Variants in NCOA2 observed in about 807,000 individuals in gnomAD.
NCOA2 encodes the protein class E basic helix-loop-helix protein 75.
A neutral mutation model predicts 145.1 loss-of-function variants in NCOA2; 21 were observed. That is an observed-to-expected ratio of 0.14 (90% CI 0.10 to 0.21). The LOEUF (loss-of-function observed/expected upper bound fraction) is 0.21, where lower values mean the gene tolerates loss of function less well. Ranked by LOEUF, NCOA2 falls within the 10% of genes least tolerant of loss-of-function variation. NCOA2 has a pLI of 1.00. For missense variants in NCOA2, 1,472 were observed against 1,837.6 expected (o/e 0.80, Z 3.64); for synonymous variants, 619 against 637.5 (o/e 0.97, Z 0.44).
intron 11 of NCOA2, 39 bp from the exon 12 acceptor site, chr8:70,148,522 T>TA (rs776602069): frequency 1.9e-6 from 3 of 1,590,368 alleles, no homozygotes; most frequent in South Asian, 2.2e-5. Context: ...CAGTCTACTC[T>TA]AAGAGTAGAC....
intron 1 of NCOA2, among the ~76,000 whole-genome samples, chr8:70,395,253 T>G (rs866270817): frequency 6.6e-6 from 1 of 152,188 alleles, no homozygotes; most frequent in African/African-American, 2.4e-5. Context: ...TTATTTATCA[T>G]TCCACCCTGA....
chr8:70,139,692 G>A (rs946162631), intron 14 of NCOA2, among the ~76,000 whole-genome samples: 1 of 110,848 alleles, frequency 9.0e-6, no homozygotes, highest in Non-Finnish European at 1.7e-5. Context: ...TCACTCTGTT[G>A]CCCAGGCTGG....
the NCOA2 span, among the ~76,000 whole-genome samples, chr8:70,456,112 A>G: frequency 6.6e-6 from 1 of 151,542 alleles, no homozygotes; most frequent in Non-Finnish European, 1.5e-5. Context: ...CTGAAAACAG[A>G]CCCTTTGTTC....
chr8:70,268,999 T>C (rs1202671997), intron 2 of NCOA2, among the ~76,000 whole-genome samples: 1 of 152,006 alleles, frequency 6.6e-6, no homozygotes, highest in Non-Finnish European at 1.5e-5. Flanking sequence ...ATACAGAAAG[T>C]GGTTACTAGA....
In NCOA2 at chr8:70,148,427, T is replaced by C. The variant is rs780642459; in HGVS notation, c.2451A>G (p.Gln817=). 24 of 1,613,764 alleles carry C rather than the reference T, an allele frequency of 1.5e-5. No individual in the cohort carries two copies. The Admixed American group carries it at 2.7e-4, about 18-fold the overall frequency. The part of the protein sequence containing the change: ...EEILDDLQNS[Q]LPQLFPDTRP... Reference sequence around the variant, plus strand: ...TCGTGTCTGGGAAAAGCTGTGGTAATTGACTATTCTGCAAATCATCCAAAA... The same window carrying C: ...TCGTGTCTGGGAAAAGCTGTGGTAACTGACTATTCTGCAAATCATCCAAAA... Residue 817 remains glutamine (Q), a synonymous_variant, in exon 12 of 23, where the codon CAA becomes CAG. Coordinates refer to ENST00000452400, the MANE Select transcript of NCOA2 (RefSeq NM_006540.4).
the NCOA2 span, among the ~76,000 whole-genome samples, chr8:70,441,809 A>AAAG: frequency 2.8e-4 from 23 of 83,056 alleles, no homozygotes; most frequent in African/African-American, 7.5e-4. Context: ...AGAAAGAAAG[A>AAAG]AAGAAAGAAG....
intron 1 of NCOA2, among the ~76,000 whole-genome samples, chr8:70,326,459 A>ACACACACACACATG (rs1306259777): frequency 4.6e-5 from 7 of 151,080 alleles, no homozygotes; most frequent in African/African-American, 1.7e-4. Context: ...ACGTGCACAC[A>ACACACACACACATG]CACACACACA....
intron 2 of NCOA2, among the ~76,000 whole-genome samples, chr8:70,265,967 G>A (rs542781537): frequency 1.6e-4 from 24 of 151,874 alleles, no homozygotes; most frequent in African/African-American, 4.8e-4. Flanking sequence ...GTGTAACCCC[G>A]TCTCTAATAC....
chr8:70,447,929 C>T, the NCOA2 span, among the ~76,000 whole-genome samples: 1 of 152,282 alleles, frequency 6.6e-6, no homozygotes, highest in East Asian at 1.9e-4. Flanking sequence ...AAGCCATCCT[C>T]CTGCTTTGGC....
intron 1 of NCOA2, among the ~76,000 whole-genome samples, chr8:70,361,563 T>C (rs1337799091): frequency 6.6e-6 from 1 of 152,250 alleles, no homozygotes; most frequent in Non-Finnish European, 1.5e-5. Flanking sequence ...GATGTTTACA[T>C]ATTCTAACTC....
chr8:70,301,484 G>A (rs1044036765), intron 1 of NCOA2, among the ~76,000 whole-genome samples: 6 of 151,124 alleles, frequency 4.0e-5, no homozygotes, highest in Non-Finnish European at 7.4e-5. Context: ...GTAAAACCCC[G>A]TCTCCAAAAA....
In NCOA2 at chr8:70,156,672, A is replaced by T. The variant is rs1812328965; in HGVS notation, c.1693T>A (p.Ser565Thr). The T allele has an allele frequency of 6.2e-7, 1 of 1,613,872 alleles. No homozygotes were observed. The highest frequency in any genetic ancestry group is 1.7e-5 in the Admixed American group (1 of 60,012). The change falls in exon 11 of 23, where the codon TCC (serine) becomes ACC (threonine). Residue 565 changes from serine (S) to threonine (T), a missense_variant. Ser to Thr is a moderately conservative substitution (Grantham distance 58, BLOSUM62 1). Coordinates refer to ENST00000452400, the MANE Select transcript of NCOA2 (RefSeq NM_006540.4). ...PDLKMGNLQN[S>T]PVNMNPPPLS... is the part of the protein sequence containing the mutation. Reference sequence around the variant, plus strand: ...GGGGGAGGATTCATATTAACTGGGGAGTTTTGCAAATTGCCCATTTTTAGG... The same window carrying T: ...GGGGGAGGATTCATATTAACTGGGGTGTTTTGCAAATTGCCCATTTTTAGG...
intron 2 of NCOA2, among the ~76,000 whole-genome samples, chr8:70,294,163 T>C (rs1826909346): frequency 6.6e-6 from 1 of 152,130 alleles, no homozygotes; most frequent in African/African-American, 2.4e-5. Flanking sequence ...CAACTCCTGA[T>C]ATACTGCAAG....
intron 1 of NCOA2, among the ~76,000 whole-genome samples, chr8:70,312,121 C>G (rs1805175858): frequency 6.6e-6 from 1 of 151,918 alleles, no homozygotes; most frequent in Admixed American, 6.6e-5. Flanking sequence ...GATCTTCTGA[C>G]TCTAGCTCAG....
intron 1 of NCOA2, among the ~76,000 whole-genome samples, chr8:70,354,543 GAA>G (rs1809512715): frequency 6.6e-6 from 1 of 152,154 alleles, no homozygotes; most frequent in Non-Finnish European, 1.5e-5. Context: ...TCTACAGTCT[GAA>G]ACTCATACAA....
intron 1 of NCOA2, among the ~76,000 whole-genome samples, chr8:70,357,839 T>C (rs910389653): frequency 6.6e-6 from 1 of 152,006 alleles, no homozygotes; most frequent in African/African-American, 2.4e-5. Context: ...TCACCCGAAG[T>C]CAGGAGTTCA....
At chr8:70,189,413 T>C (rs935776816) in intron 4 of NCOA2, among the ~76,000 whole-genome samples, 1 of 152,192 alleles carries the variant, frequency 6.6e-6, no homozygotes, top group African/African-American at 2.4e-5. Flanking sequence ...CCCTCAAGAT[T>C]GTCCAGTCTC....
intron 2 of NCOA2, among the ~76,000 whole-genome samples, chr8:70,248,751 CAG>C (rs1424417628): frequency 4.5e-5 from 4 of 88,794 alleles, no homozygotes; most frequent in African/African-American, 1.4e-4. Context: ...GGAATAATGA[CAG>C]GGGAAAAAAG....
chr8:70,404,208 A>G (rs1814650906), upstream of NCOA2, among the ~76,000 whole-genome samples: 1 of 152,220 alleles, frequency 6.6e-6, no homozygotes, highest in Non-Finnish European at 1.5e-5. Flanking sequence ...AGGGTGACCT[A>G]GAGGTGACTG....
Sources: allele counts gnomAD v4.1 joint callset (sites outside exome capture counted in the v4.1 genomes callset), GRCh38; gene constraint gnomAD v4.1.1; transcripts MANE v1.5; gene names NCBI Gene and HGNC (gene_info 2026-07-23, HGNC 2026-07-21).